The following ARHGEF17 variants were observed in gnomAD, a reference collection of about 807,000 sequenced individuals.
The protein encoded by ARHGEF17 is 164 kDa Rho-specific guanine-nucleotide exchange factor.
Under a neutral mutation model 174.0 loss-of-function variants are expected in ARHGEF17, and 80 were observed. That is an observed-to-expected ratio of 0.46 (90% CI 0.38 to 0.55). The LOEUF (loss-of-function observed/expected upper bound fraction) is 0.55, where lower values mean the gene tolerates loss of function less well. Among genes scored for constraint, ARHGEF17 ranks in the 20% least tolerant of loss-of-function variants. ARHGEF17 has a pLI of 0.00. For synonymous variants in ARHGEF17, 1,311 were observed against 1,189.1 expected (o/e 1.10, Z -2.11); for missense variants, 2,886 against 2,839.7 (o/e 1.02, Z -0.37).
chr11:73,322,895 G>A (rs920461859), intron 1 of ARHGEF17, among the ~76,000 whole-genome samples: 2 of 152,170 alleles, frequency 1.3e-5, no homozygotes, highest in East Asian at 1.9e-4. Context: ...GGTAGCAGAG[G>A]ATGTGGAGCT....
In ARHGEF17 at chr11:73,362,542, C is replaced by T. The variant is rs1180451645; in HGVS notation, c.4804C>T (p.Pro1602Ser). The change falls in exon 14 of 21, where the codon CCG (proline) becomes TCG (serine). Residue 1602 changes from proline (P) to serine (S), a missense_variant. This residue lies in a region of ARHGEF17 where 476 missense variants were observed against 473.1 expected (regional missense o/e 1.01). Coordinates refer to ENST00000263674, the MANE Select transcript of ARHGEF17 (RefSeq NM_014786.4). ...ADEEAATLAE[P>S]GPQPCLHISI... ...CGAGGAAGCCGCGACGCTCGCGGAG[C>T]CGGGGCCGCAGCCCTGCCTTCACAT... is the stretch of plus-strand genomic sequence containing the variant. 1.0e-5 allele frequency: 16 copies of T among 1,607,442 alleles called. No homozygotes were observed. The highest frequency in any genetic ancestry group is 1.7e-5 in the Admixed American group (1 of 59,948).
Position 73,309,385 on chromosome 11 carries a change from C to T in ARHGEF17, c.747C>T (p.Ser249=). ...CTGTCAGCCGCAGTCGTGCTGCCAG[C>T]TCCAGCGAGGAGGAAGAGGAGGGCC... ...SYPVSRSRAA[S]SSEEEEEGPP... is the part of the protein sequence containing the mutation. Residue 249 remains serine, a synonymous_variant, in exon 1 of 21, where the codon AGC becomes AGT. Transcript: ENST00000263674. The T allele has an allele frequency of 6.3e-7, 1 of 1,577,232 alleles. No homozygotes were observed. Among genetic ancestry groups the T allele is most frequent in the Non-Finnish European group, 8.6e-7 (1 of 1,160,712 alleles).
Position 73,357,114 on chromosome 11 carries a change from G to A in ARHGEF17, c.3981G>A (p.Leu1327=). ...CTTLKRKSGS[L]RRSSMSLYTA... is the part of the protein sequence containing the mutation. Reference sequence around the variant, plus strand: ...CTCTGAAGCGAAAGTCAGGCTCCCTGCGGCGCAGCTCCATGAGCCTGTGAG... The same window carrying A: ...CTCTGAAGCGAAAGTCAGGCTCCCTACGGCGCAGCTCCATGAGCCTGTGAG... The change falls in exon 8 of 21, where the codon CTG becomes CTA. Residue 1327 remains leucine, a synonymous_variant. Coordinates refer to ENST00000263674, the MANE Select transcript of ARHGEF17 (RefSeq NM_014786.4). 1.2e-6 allele frequency: 2 copies of A among 1,614,178 alleles called. No homozygotes were observed. Among genetic ancestry groups the A allele is most frequent in the African/African-American group, 2.7e-5 (2 of 75,052 alleles).
At position 73,309,421 on chromosome 11, in the gene ARHGEF17, G is replaced by A; in HGVS notation, c.783G>A (p.Leu261=). 8.4e-6 allele frequency: 13 copies of A among 1,548,316 alleles called. No individual in the cohort carries two copies. Among genetic ancestry groups the A allele is most frequent in the Non-Finnish European group, 1.1e-5 (13 of 1,144,894 alleles). ...SEEEEEGPPQ[L]PGAQSPAYHG... ...AGGAAGAGGAGGGCCCGCCGCAGCT[G>A]CCTGGAGCCCAGAGTCCGGCCTACC... Residue 261 remains leucine, a synonymous_variant, in exon 1 of 21, where the codon CTG becomes CTA. Coordinates refer to ENST00000263674, the MANE Select transcript of ARHGEF17 (RefSeq NM_014786.4).
chr11:73,323,388 A>C (rs1278484396), intron 1 of ARHGEF17, among the ~76,000 whole-genome samples: 2 of 152,220 alleles, frequency 1.3e-5, no homozygotes, highest in African/African-American at 4.8e-5. Flanking sequence ...GTAGGTCCAC[A>C]GGCAGGCATC....
In ARHGEF17 at chr11:73,311,182, G is replaced by C; in HGVS notation, c.2544G>C (p.Glu848Asp). ...CTGGATTCGAGGGCCCTGGAGGGGA[G>C]CCCATCCGAGAAGTTGAGCCCATGC... ...AGPGFEGPGG[E>D]PIREVEPMLP... The change falls in exon 1 of 21, where the codon GAG becomes GAC. Residue 848 changes from glutamate (E) to aspartate (D), a missense_variant. Physicochemically the swap from Glu to Asp is conservative, Grantham distance 45. Transcript: ENST00000263674. The C allele has an allele frequency of 6.3e-7, 1 of 1,596,152 alleles. No individual in the cohort carries two copies. The highest frequency in any genetic ancestry group is 8.6e-7 in the Non-Finnish European group (1 of 1,168,520).
At chr11:73,333,379 C>T (rs759243418) in intron 1 of ARHGEF17, among the ~76,000 whole-genome samples, 4 of 152,242 alleles carry the variant, frequency 2.6e-5, no homozygotes, top group Admixed American at 6.5e-5. Flanking sequence ...CACGCGCGCG[C>T]GCACTCACAC....
Position 73,362,065 on chromosome 11 carries a change from A to G in ARHGEF17, c.4520A>G (p.Asn1507Ser). ...MQFSCAAPTL[N>S]SCPEPSPEVW... ...TTCTCCTGTGCGGCTCCCACCCTGA[A>G]CAGCTGCCCGGAGCCCTCGCCTGAG... The change falls in exon 13 of 21, where the codon AAC becomes AGC. Residue 1507 changes from asparagine (N) to serine (S), a missense_variant. By Grantham distance (46) the Asn-to-Ser change is conservative. Coordinates refer to ENST00000263674, the MANE Select transcript of ARHGEF17 (RefSeq NM_014786.4). The G allele has an allele frequency of 6.2e-7, 1 of 1,612,680 alleles. No individual in the cohort carries two copies. Among genetic ancestry groups the G allele is most frequent in the South Asian group, 1.1e-5 (1 of 91,048 alleles).
Position 73,367,587 on chromosome 11 carries a change from C to T in ARHGEF17, c.5999C>T (p.Pro2000Leu). The T allele has an allele frequency of 6.2e-7, 1 of 1,610,826 alleles. No homozygotes were observed. The highest frequency in any genetic ancestry group is 2.2e-5 in the East Asian group (1 of 44,808). The change falls in exon 21 of 21, where the codon CCC becomes CTC. Residue 2000 changes from proline to leucine, a missense_variant. Physicochemically the swap from Pro to Leu is moderately conservative, Grantham distance 98. Around this residue, in one of 4 missense-constraint regions of ARHGEF17, gnomAD observed 329 missense variants for 435.2 expected, o/e 0.76. Coordinates refer to ENST00000263674, the MANE Select transcript of ARHGEF17 (RefSeq NM_014786.4). The stretch of plus-strand genomic sequence containing the variant: ...AGATCCTCCCCTCTGCCCCCAGGCC[C>T]CGAGAAGCTGCCATCACTGGAGCAC... The part of the protein sequence containing the change: ...PTPPPPPDTG[P>L]EKLPSLEHRD...
In ARHGEF17 at chr11:73,349,083, C is replaced by T. The variant is rs1007621053; in HGVS notation, c.3270+2123C>T. Among the ~76,000 whole-genome samples, 4 of 152,108 alleles carry T rather than the reference C, an allele frequency of 2.6e-5. No individual in the cohort carries two copies. The East Asian group carries it at 5.8e-4, about 22-fold the overall frequency. On this transcript the variant is annotated intron_variant, in intron 2 of 20. Transcript: ENST00000263674. ...GCATGGAGCTGGGCTTTCCTGTGCA[C>T]GCAAGGAAGCCATGGGAGGATGCAG...
intron 3 of ARHGEF17, among the ~76,000 whole-genome samples, chr11:73,354,525 C>T (rs1196913278): frequency 5.9e-5 from 9 of 152,112 alleles, no homozygotes; most frequent in Non-Finnish European, 1.2e-4. Flanking sequence ...ACCAGCCTGA[C>T]CAACATGGTG....
At chr11:73,351,300 A>G (rs1865548470) in intron 2 of ARHGEF17, among the ~76,000 whole-genome samples, 1 of 150,324 alleles carries the variant, frequency 6.7e-6, no homozygotes, top group Non-Finnish European at 1.5e-5. Flanking sequence ...GCAACATCAC[A>G]TATGCTTTTT....
chr11:73,317,920 G>C (rs1308511821), intron 1 of ARHGEF17, among the ~76,000 whole-genome samples: 1 of 152,186 alleles, frequency 6.6e-6, no homozygotes, highest in Non-Finnish European at 1.5e-5. Flanking sequence ...GTTCACTAGG[G>C]ACAGCCTGGT....
rs1864818011 is a variant in ARHGEF17, at chr11:73,310,950, C to T, written c.2312C>T (p.Ala771Val). ...CTGAGCCCCAAGACAGGGCTCCCTG[C>T]CACCTCAGCCATGGATGAGGGCTTG... is the stretch of plus-strand genomic sequence containing the variant. The part of the protein sequence containing the change: ...GSLSPKTGLP[A>V]TSAMDEGLTS... Residue 771 changes from alanine (A) to valine (V), a missense_variant, in exon 1 of 21, where the codon GCC becomes GTC. By Grantham distance (64) the Ala-to-Val change is moderately conservative (BLOSUM62 0). Around this residue, in one of 4 missense-constraint regions of ARHGEF17, gnomAD observed 1,728 missense variants for 1,461.2 expected, o/e 1.18. Transcript: ENST00000263674. 3 of 1,614,130 alleles carry T rather than the reference C, an allele frequency of 1.9e-6. No individual in the cohort carries two copies. The highest frequency in any genetic ancestry group is 2.5e-6 in the Non-Finnish European group (3 of 1,180,006).
intron 1 of ARHGEF17, among the ~76,000 whole-genome samples, chr11:73,339,257 A>G (rs1489839217): frequency 6.6e-6 from 1 of 152,220 alleles, no homozygotes; most frequent in African/African-American, 2.4e-5. Context: ...CTTGGCATCT[A>G]ATAGGTGCTC....
At chr11:73,349,275 A>C (rs1865514204) in intron 2 of ARHGEF17, among the ~76,000 whole-genome samples, 1 of 152,176 alleles carries the variant, frequency 6.6e-6, no homozygotes, top group Non-Finnish European at 1.5e-5. Context: ...CTGAGCCTCA[A>C]GTTTGCCTGC....
Position 73,309,750 on chromosome 11 carries a change from G to C in ARHGEF17, c.1112G>C (p.Arg371Pro). The C allele has an allele frequency of 1.2e-6, 2 of 1,612,810 alleles. No homozygotes were observed. Among genetic ancestry groups the C allele is most frequent in the South Asian group, 2.2e-5 (2 of 91,090 alleles). The change falls in exon 1 of 21, where the codon CGT becomes CCT. Residue 371 changes from arginine (R) to proline (P), a missense_variant. Arg to Pro is a moderately radical substitution (Grantham distance 103). Coordinates refer to ENST00000263674, the MANE Select transcript of ARHGEF17 (RefSeq NM_014786.4). Reference protein sequence around the residue: ...PMSDSVGGAFRVAKVSFPSYL... With the variant: ...PMSDSVGGAFPVAKVSFPSYL... ...TCTGACTCTGTGGGAGGAGCTTTCC[G>C]TGTGGCCAAGGTGAGCTTTCCCTCG...
At position 73,365,791 on chromosome 11, in the gene ARHGEF17, C is replaced by T; in HGVS notation, c.5839C>T (p.Pro1947Ser). 6.2e-7 allele frequency: 1 copy of T among 1,613,690 alleles called. No individual in the cohort carries two copies. The highest frequency in any genetic ancestry group is 8.5e-7 in the Non-Finnish European group (1 of 1,180,036). ...GTSAGVVLTM[P>S]TSPGTVSCPR... ...CAGTGCTGGTGTCGTCCTCACCATG[C>T]CCACTTCGCCCGGTACTGTCAGCTG... The change falls in exon 20 of 21, where the codon CCC becomes TCC. Residue 1947 changes from proline to serine, a missense_variant. This residue lies in a region of ARHGEF17 where 329 missense variants were observed against 435.2 expected (regional missense o/e 0.76). Coordinates refer to ENST00000263674, the MANE Select transcript of ARHGEF17 (RefSeq NM_014786.4). The surrounding 1 kb of genome is among the most constrained non-coding windows in gnomAD (Gnocchi z 4.9).
At chr11:73,364,899 T>C (rs1489432336) in intron 18 of ARHGEF17, 2 of 376,408 alleles carry the variant, frequency 5.3e-6, no homozygotes, top group Non-Finnish European at 9.6e-6. Context: ...TCCTTTCTGA[T>C]GTCAACATCC....
Sources: gnomAD v4.1 joint callset for allele counts (sites outside exome capture counted in the v4.1 genomes callset) on GRCh38, gnomAD v4.1.1 for gene constraint, gnomAD v4.1.1 regional missense constraint, Gnocchi (gnomAD v3.1) non-coding constraint, MANE v1.5 for transcripts, NCBI Gene and HGNC (gene_info 2026-07-23, HGNC 2026-07-21) for gene names.